Variants in ZNHIT3 observed in about 807,000 individuals in gnomAD.
The protein encoded by ZNHIT3 is zinc finger HIT-type containing 3, also known as zinc finger HIT domain-containing protein 3.
In ZNHIT3, 27 loss-of-function variants were observed where a neutral mutation model predicts 19.9. The observed-to-expected ratio is 1.36, with a 90% confidence interval of 1.00 to 1.87. The LOEUF (loss-of-function observed/expected upper bound fraction) is 1.87, where lower values mean the gene tolerates loss of function less well. Among genes scored for constraint, ZNHIT3 ranks in the 40% most tolerant of loss-of-function variants. ZNHIT3 has a pLI of 0.00. For synonymous variants in ZNHIT3, 81 were observed against 65.7 expected, an observed-to-expected ratio of 1.23 and a Z score of -1.13; for missense variants, 215 against 185.6, an observed-to-expected ratio of 1.16 and a Z score of -0.92.
chr17:36,496,139 T>C, downstream of ZNHIT3: 1 of 1,412,700 alleles, frequency 7.1e-7, no homozygotes, highest in Non-Finnish European at 9.8e-7. Context: ...GTCACTGTTG[T>C]TCATGTGCAT....
rs1297578520 is a variant in ZNHIT3 at position 36,495,453 on chromosome 17, C to G, written c.*49C>G. ...CAAGCGTGTGCTTGACTCCTGGAACCTGCCTGCTCCCTCTCCCAGACCAGC... is the reference window on the plus strand; with the variant it reads ...CAAGCGTGTGCTTGACTCCTGGAACGTGCCTGCTCCCTCTCCCAGACCAGC... On this transcript the variant is annotated 3_prime_UTR_variant, in exon 5 of 5. Coordinates refer to ENST00000617429, the MANE Select transcript of ZNHIT3 (RefSeq NM_004773.4). 2 of 1,508,272 alleles carry G rather than the reference C, an allele frequency of 1.3e-6. No individual in the cohort carries two copies. Among genetic ancestry groups the G allele is most frequent in the Non-Finnish European group, 1.8e-6 (2 of 1,130,970 alleles). 93.4% of individuals were successfully genotyped at this position (1,508,272 alleles called of 1,614,324 possible).
At chr17:36,487,059 G>T (rs1005820669) in intron 2 of ZNHIT3, 93 bp downstream of exon 2, 24 of 1,527,152 alleles carry the variant, frequency 1.6e-5, no homozygotes, top group Non-Finnish European at 2.1e-5. Flanking sequence ...CTTGGGCTGC[G>T]CTTCCTTTCC....
downstream of ZNHIT3, chr17:36,499,095 G>A (rs966331392): frequency 9.3e-6 from 15 of 1,609,616 alleles, no homozygotes; most frequent in Middle Eastern, 3.3e-4. Flanking sequence ...TGCCATGCAC[G>A]CTTGATGACT....
rs766003716 is a variant in ZNHIT3 at position 36,495,424 on chromosome 17, T to G, written c.*20T>G. The stretch of plus-strand genomic sequence containing the variant: ...TCTTAAGATGGATTATTGTGCTGCT[T>G]GCTCAAGCGTGTGCTTGACTCCTGG... On this transcript the variant is annotated 3_prime_UTR_variant, in exon 5 of 5. Coordinates refer to ENST00000617429, the MANE Select transcript of ZNHIT3 (RefSeq NM_004773.4). The G allele has an allele frequency of 1.3e-6, 2 of 1,564,432 alleles. No homozygotes were observed. The highest frequency in any genetic ancestry group is 1.7e-6 in the Non-Finnish European group (2 of 1,155,804).
chr17:36,492,716 G>A (rs2070754993), intron 2 of ZNHIT3, 97 bp from the exon 3 acceptor site: 1 of 1,056,062 alleles, frequency 9.5e-7, no homozygotes, highest in Non-Finnish European at 1.4e-6. Flanking sequence ...CCTTACCCCA[G>A]ACACTTGCTT....
At chr17:36,494,126 A>G (rs2070806085) in intron 4 of ZNHIT3, 120 bp downstream of exon 4, 1 of 699,268 alleles carries the variant, frequency 1.4e-6, no homozygotes, top group Non-Finnish European at 2.4e-6. Flanking sequence ...CTTACTATCT[A>G]GCCACATAAT....
intron 2 of ZNHIT3, among the ~76,000 whole-genome samples, chr17:36,488,681 C>G (rs1195054888): frequency 1.3e-5 from 2 of 152,004 alleles, no homozygotes; most frequent in African/African-American, 4.8e-5. Flanking sequence ...GTTGATTTTT[C>G]TTTTTAATAT....
At chr17:36,494,363 C>A (rs1273475534) in intron 4 of ZNHIT3, among the ~76,000 whole-genome samples, 1 of 152,194 alleles carries the variant, frequency 6.6e-6, no homozygotes, top group Non-Finnish European at 1.5e-5. Context: ...ATCACTGTTA[C>A]ATTTCATGGT....
downstream of ZNHIT3, chr17:36,498,009 G>A: frequency 2.1e-6 from 1 of 485,794 alleles, no homozygotes; most frequent in Non-Finnish European, 3.6e-6. Flanking sequence ...ATTTGGAAAT[G>A]GGACTAGAAG....
At chr17:36,498,183 G>A (rs1052502373), downstream of ZNHIT3, 6 of 1,479,452 alleles carry the variant, frequency 4.1e-6, no homozygotes, top group Middle Eastern at 2.2e-4. Context: ...CCCAGCCTCA[G>A]TCTCATTCCC....
chr17:36,495,728 TA>T lies in ZNHIT3; in HGVS notation c.*326del. 8.0e-7 allele frequency: 1 copy of T among 1,247,724 alleles called. No homozygotes were observed. The highest frequency in any genetic ancestry group is 3.8e-5 in the Admixed American group (1 of 26,064). 77.3% of individuals were successfully genotyped at this position (1,247,724 alleles called of 1,614,324 possible). A position where few individuals can be genotyped will look rare whatever the true frequency, so the allele number is the denominator to read the frequency against. ...ATATGGAGTTAAACTTGGTCAGTGT[TA>T]ATAAAATCAAAACGTGATTCTACTG... On this transcript the variant is annotated 3_prime_UTR_variant, in exon 5 of 5. Coordinates refer to ENST00000617429, the MANE Select transcript of ZNHIT3 (RefSeq NM_004773.4).
chr17:36,491,113 C>T (rs572615802), intron 2 of ZNHIT3: 1 of 151,938 alleles, frequency 6.6e-6, no homozygotes, highest in East Asian at 2.0e-4. Context: ...CGTGAGCTAC[C>T]CATGCTCAGC....
At chr17:36,498,855 A>G (rs569482734), downstream of ZNHIT3, 241 of 593,000 alleles carry the variant, frequency 4.1e-4, 2 homozygotes, top group Middle Eastern at 2.7e-3. Context: ...AGTTTGGTAT[A>G]TTCCCAGAGT....
In ZNHIT3 at chr17:36,495,286, T is replaced by G; in HGVS notation, c.350T>G (p.Leu117Arg). 1 of 1,613,554 alleles carries G rather than the reference T, an allele frequency of 6.2e-7. No homozygotes were observed. Among genetic ancestry groups the G allele is most frequent in the African/African-American group, 1.3e-5 (1 of 75,008 alleles). The change falls in exon 5 of 5, where the codon CTC becomes CGC. Residue 117 changes from leucine (L) to arginine (R), a missense_variant. Leu to Arg is a moderately radical substitution (Grantham distance 102, BLOSUM62 -2). Coordinates refer to ENST00000617429, the MANE Select transcript of ZNHIT3 (RefSeq NM_004773.4). ...NPHLRQLMVN[L>R]DQGEDKAKLM... is the part of the protein sequence containing the mutation. ...CACCTCAGGCAGTTGATGGTCAACCTCGATCAGGGAGAAGACAAAGCAAAG... is the reference window on the plus strand; with the variant it reads ...CACCTCAGGCAGTTGATGGTCAACCGCGATCAGGGAGAAGACAAAGCAAAG...
chr17:36,487,073 C>G (rs1479197798), intron 2 of ZNHIT3, 107 bp downstream of exon 2: 3 of 1,461,290 alleles, frequency 2.1e-6, no homozygotes, highest in Non-Finnish European at 2.8e-6. Flanking sequence ...CCTTTCCCGC[C>G]TCGGGTCTCC....
At chr17:36,496,314 C>CTA, downstream of ZNHIT3, 3 of 1,614,010 alleles carry the variant, frequency 1.9e-6, no homozygotes, top group Non-Finnish European at 2.5e-6. Context: ...CCAGCAGAAT[C>CTA]TGATTAAAGC....
Position 36,495,466 on chromosome 17 carries a change from C to G in ZNHIT3, c.*62C>G, listed in dbSNP as rs1454965097. The G allele has an allele frequency of 2.0e-6, 3 of 1,484,326 alleles. No homozygotes were observed. Among genetic ancestry groups the G allele is most frequent in the Non-Finnish European group, 1.8e-6 (2 of 1,120,276 alleles). 91.9% of individuals were successfully genotyped at this position (1,484,326 alleles called of 1,614,324 possible). On this transcript the variant is annotated 3_prime_UTR_variant, in exon 5 of 5. Coordinates refer to ENST00000617429, the MANE Select transcript of ZNHIT3 (RefSeq NM_004773.4). The stretch of plus-strand genomic sequence containing the variant: ...GACTCCTGGAACCTGCCTGCTCCCT[C>G]TCCCAGACCAGCTAGTTTGGGGCTG...
At chr17:36,494,383 C>G (rs1228226787) in intron 4 of ZNHIT3, among the ~76,000 whole-genome samples, 1 of 152,218 alleles carries the variant, frequency 6.6e-6, no homozygotes, top group Admixed American at 6.5e-5. Context: ...TAATTTGTCT[C>G]TCACATACCG....
chr17:36,487,201 T>A (rs2070587104), intron 2 of ZNHIT3, among the ~76,000 whole-genome samples: 1 of 152,168 alleles, frequency 6.6e-6, no homozygotes. Context: ...CAGTAGCCTT[T>A]CTTCTACCCC....
Sources: gnomAD v4.1 joint callset for allele counts (sites outside exome capture counted in the v4.1 genomes callset) on GRCh38, gnomAD v4.1.1 for gene constraint, MANE v1.5 for transcripts, NCBI Gene and HGNC (gene_info 2026-07-23, HGNC 2026-07-21) for gene names.